IL23R: variants seen among roughly 807,000 people sequenced by gnomAD.
IL23R encodes interleukin 23 receptor, also known as interleukin-23 receptor.
Under a neutral mutation model 56.9 loss-of-function variants are expected in IL23R, and 34 were observed. The ratio of observed to expected loss-of-function variants is 0.60; its 90% confidence interval spans 0.45 to 0.80. IL23R has a LOEUF of 0.80. Ranked by LOEUF, IL23R falls within the 30% of genes least tolerant of loss-of-function variation. IL23R has a pLI of 0.00. For synonymous variants in IL23R, 230 were observed against 249.2 expected, an observed-to-expected ratio of 0.92 and a Z score of 0.73; for missense variants, 635 against 730.0, an observed-to-expected ratio of 0.87 and a Z score of 1.50.
At chr1:67,255,697 C>T in intron 9 of IL23R, 140 bp from the exon 10 acceptor site, 1 of 567,388 alleles carries the variant, frequency 1.8e-6, no homozygotes, top group South Asian at 1.6e-5. Context: ...CCTCAGCCTC[C>T]CAAAGTGCTG....
At chr1:67,168,862 A>G (rs1401895496) in intron 2 of IL23R, among the ~76,000 whole-genome samples, 1 of 152,216 alleles carries the variant, frequency 6.6e-6, no homozygotes, top group Non-Finnish European at 1.5e-5. Flanking sequence ...CTGAACATCA[A>G]TAAAAGCATA....
At chr1:67,232,749 G>C (rs1651179438) in intron 7 of IL23R, among the ~76,000 whole-genome samples, 1 of 152,104 alleles carries the variant, frequency 6.6e-6, no homozygotes, top group African/African-American at 2.4e-5. Flanking sequence ...TTTGCCCCAT[G>C]GTTGATGATA....
intron 9 of IL23R, among the ~76,000 whole-genome samples, chr1:67,245,704 C>T (rs555439495): frequency 1.4e-4 from 22 of 152,142 alleles, no homozygotes; most frequent in African/African-American, 4.8e-4. Flanking sequence ...TGCTGGATTC[C>T]GTTTGCCAGT....
At position 67,201,669 on chromosome 1, in the gene IL23R, AG is replaced by A. The variant is rs1458328978; in HGVS notation, c.652+774del. 2.0e-5 allele frequency among the ~76,000 whole-genome samples: 3 copies of A among 152,120 alleles called. No homozygotes were observed. In the East Asian group the frequency reaches 5.8e-4, roughly 29 times the overall value. ...TATACACTACTTGGGGACTTATGTA[AG>A]GTTTTTTTGTTTGTTTGTTTTTATT... On this transcript the variant is annotated intron_variant, in intron 5 of 10. Transcript: ENST00000347310.
chr1:67,175,377 T>C (rs1646994208), intron 3 of IL23R, among the ~76,000 whole-genome samples: 2 of 152,156 alleles, frequency 1.3e-5, no homozygotes, highest in African/African-American at 4.8e-5. Context: ...TTTACCATGG[T>C]TAAGTGTGCA....
chr1:67,207,287 A>G, intron 6 of IL23R: 1 of 586,490 alleles, frequency 1.7e-6, no homozygotes, highest in Non-Finnish European at 3.1e-6. Context: ...GGTTTGGGGT[A>G]TGATTGATCC....
chr1:67,230,022 A>C (rs1392647871), intron 7 of IL23R, among the ~76,000 whole-genome samples: 2 of 152,240 alleles, frequency 1.3e-5, no homozygotes, highest in Non-Finnish European at 2.9e-5. Flanking sequence ...TGAGAGCAGG[A>C]CCCAGAACCA....
At chr1:67,235,871 T>C (rs1651439309) in intron 7 of IL23R, among the ~76,000 whole-genome samples, 1 of 152,042 alleles carries the variant, frequency 6.6e-6, no homozygotes, top group African/African-American at 2.4e-5. Flanking sequence ...AAAAGAAAAA[T>C]TTGAGCACTG....
chr1:67,244,293 T>C (rs1284841300), intron 9 of IL23R, among the ~76,000 whole-genome samples: 1 of 152,258 alleles, frequency 6.6e-6, no homozygotes, highest in Non-Finnish European at 1.5e-5. Context: ...TTTCTTTTGC[T>C]GTGCAGAAGC....
At chr1:67,161,314 T>A (rs955862363) in intron 1 of IL23R, among the ~76,000 whole-genome samples, 2 of 152,214 alleles carry the variant, frequency 1.3e-5, no homozygotes, top group African/African-American at 4.8e-5. Context: ...TCCTTGAAGT[T>A]TTTCTTGTCT....
rs1048169700 is a variant in IL23R at position 67,219,717 on chromosome 1, A to G, written c.942A>G (p.Lys314=). The change falls in exon 7 of 11, where the codon AAA becomes AAG. Residue 314 remains lysine (K), a synonymous_variant. Transcript: ENST00000347310. ...CTTGGAGTTCACTGTTTTTTCATAA[A>G]ACACCTGAAACAGGTGAGTGTACTT... is the stretch of plus-strand genomic sequence containing the variant. ...WQPWSSLFFH[K]TPETVPQVTS... 14 of 1,613,500 alleles carry G rather than the reference A, an allele frequency of 8.7e-6. No homozygotes were observed. The highest frequency in any genetic ancestry group is 1.1e-5 in the Non-Finnish European group (13 of 1,179,550).
intron 1 of IL23R, among the ~76,000 whole-genome samples, chr1:67,158,242 A>C (rs1461972497): frequency 1.3e-5 from 2 of 151,998 alleles, no homozygotes; most frequent in Non-Finnish European, 2.9e-5. Flanking sequence ...ATATTTTTTG[A>C]ATGAATGAAT....
At chr1:67,263,692 CTTGAGGTCTGGAGT>C (rs1202011081), downstream of IL23R, among the ~76,000 whole-genome samples, 6 of 152,158 alleles carry the variant, frequency 3.9e-5, no homozygotes. Context: ...GGGCAGATCA[CTTGAGGTCTGGAGT>C]TTGAGACCAG....
intron 7 of IL23R, among the ~76,000 whole-genome samples, chr1:67,235,267 C>CA (rs1362252634): frequency 2.0e-5 from 3 of 152,110 alleles, no homozygotes; most frequent in African/African-American, 4.8e-5. Flanking sequence ...GAAGCCAGGA[C>CA]AAAAAACACG....
In IL23R at chr1:67,259,214, T is replaced by C. The variant is rs1653113384; in HGVS notation, c.*86T>C. The C allele has an allele frequency of 1.5e-6, 2 of 1,320,610 alleles. No individual in the cohort carries two copies. Among genetic ancestry groups the C allele is most frequent in the Admixed American group, 3.6e-5 (2 of 55,366 alleles). 81.8% of individuals were successfully genotyped at this position (1,320,610 alleles called of 1,614,324 possible). On this transcript the variant is annotated 3_prime_UTR_variant, in exon 11 of 11. Coordinates refer to ENST00000347310, the MANE Select transcript of IL23R (RefSeq NM_144701.3). ...TGCAATAGAAATTGAATTCTGCCTC[T>C]TTTTGAAAAAAATGTATTCACATAC... is the stretch of plus-strand genomic sequence containing the variant.
intron 3 of IL23R, among the ~76,000 whole-genome samples, chr1:67,176,784 C>G (rs184024425): frequency 3.3e-5 from 5 of 152,102 alleles, no homozygotes; most frequent in African/African-American, 9.7e-5. Flanking sequence ...ATCCCTCCCC[C>G]CTCCTCCCAC....
At chr1:67,257,566 G>A (rs778105768) in intron 10 of IL23R, among the ~76,000 whole-genome samples, 1 of 152,162 alleles carries the variant, frequency 6.6e-6, no homozygotes, top group African/African-American at 2.4e-5. Context: ...TTGGGTGACA[G>A]TTTGCCCAGG....
chr1:67,232,911 G>T (rs1651193357), intron 7 of IL23R, among the ~76,000 whole-genome samples: 1 of 151,836 alleles, frequency 6.6e-6, no homozygotes, highest in Non-Finnish European at 1.5e-5. Context: ...TTTTATAAGG[G>T]GCTTTTCCCC....
At chr1:67,145,112 A>C (rs1477878313) in intron 1 of IL23R, among the ~76,000 whole-genome samples, 1 of 152,244 alleles carries the variant, frequency 6.6e-6, no homozygotes, top group Admixed American at 6.5e-5. Context: ...TGGGAGGCCA[A>C]GGCAGGTGGA....
Sources: allele counts gnomAD v4.1 joint callset (sites outside exome capture counted in the v4.1 genomes callset), GRCh38; gene constraint gnomAD v4.1.1; transcripts MANE v1.5; gene names NCBI Gene and HGNC (gene_info 2026-07-23, HGNC 2026-07-21).